The following KCNQ1 variants were observed in gnomAD, a reference collection of about 807,000 sequenced individuals.
The protein encoded by KCNQ1 is potassium voltage-gated channel subfamily Q member 1.
KCNQ1 carries 49 observed loss-of-function variants against 72.4 expected under a neutral mutation model. The observed-to-expected ratio is 0.68, with a 90% CI of 0.54 to 0.86. KCNQ1 has a LOEUF of 0.86. KCNQ1 is among the 40% of genes least tolerant of loss of function. The pLI, the probability that KCNQ1 is intolerant of heterozygous loss-of-function variation, is 0.00. For synonymous variants in KCNQ1, 450 were observed against 412.6 expected (o/e 1.09, Z -1.10); for missense variants, 790 against 945.1 (o/e 0.84, Z 2.15).
chr11:2,775,939 G>A, intron 12 of KCNQ1, 21 bp from the exon 13 acceptor site: 1 of 1,551,498 alleles, frequency 6.4e-7, no homozygotes, highest in Non-Finnish European at 8.7e-7. Flanking sequence ...GAGAAGTGAT[G>A]CGTGTCTTTT....
intron 1 of KCNQ1, among the ~76,000 whole-genome samples, chr11:2,504,643 G>A (rs568383455): frequency 3.3e-5 from 5 of 152,158 alleles, no homozygotes; most frequent in Non-Finnish European, 7.3e-5. Context: ...TGTAATCCCA[G>A]CTACTTGGGT....
rs1160720602 is a variant in KCNQ1 at position 2,837,992 on chromosome 11, A to G, written c.1795-9775A>G. ...CTGTCTGCAGGAAGGAGAGGGGGTC[A>G]TGGGCCCCAGAGGCCTCTGTCTTAG... On this transcript the variant is annotated intron_variant, in intron 15 of 15. Transcript: ENST00000155840. Among the ~76,000 whole-genome samples, 3 of 152,334 alleles carry G rather than the reference A, an allele frequency of 2.0e-5. No homozygotes were observed. In the East Asian group the frequency reaches 5.8e-4, roughly 29 times the overall value.
chr11:2,540,609 G>A (rs1847808809), intron 2 of KCNQ1, among the ~76,000 whole-genome samples: 2 of 152,252 alleles, frequency 1.3e-5, no homozygotes, highest in Non-Finnish European at 2.9e-5. Flanking sequence ...GGCCTCAGGA[G>A]GAGTGGATGT....
intron 10 of KCNQ1, chr11:2,646,818 A>G (rs1326062210): frequency 2.5e-6 from 1 of 398,448 alleles, no homozygotes; most frequent in African/African-American, 2.1e-5. Flanking sequence ...GTCCACACCT[A>G]CTAATTTTTG....
At chr11:2,616,544 G>A (rs147490385) in intron 10 of KCNQ1, 3 of 397,768 alleles carry the variant, frequency 7.5e-6, no homozygotes, top group African/African-American at 4.1e-5. Flanking sequence ...TTTCCTCTGA[G>A]CACTTCTTTC....
At position 2,492,215 on chromosome 11, in the gene KCNQ1, ATATAT is replaced by A. The variant is rs1199942079; in HGVS notation, c.387-35710_387-35706del. ...TGTAATTATGGTGTGTAAACTACTC[ATATAT>A]TAAGTAGAAGGATGAAAAGAAGAAC... On this transcript the variant is annotated intron_variant, in intron 1 of 15. Coordinates refer to ENST00000155840, the MANE Select transcript of KCNQ1 (RefSeq NM_000218.3). This position sits in a 1 kb window ranked among gnomAD's most constrained non-coding sequence, Gnocchi z 4.1. 1.3e-5 allele frequency among the ~76,000 whole-genome samples: 2 copies of A among 152,190 alleles called. No individual in the cohort carries two copies. The highest frequency in any genetic ancestry group is 4.8e-5 in the African/African-American group (2 of 41,420).
rs769138480 is a variant in KCNQ1, at chr11:2,661,299, C to CTG, written c.1394-662_1394-661insTG. ...AGCCAAGAGCAAATACTGATAGTGT[C>CTG]AACAGAGAGTGGGGAGTGATAAGGA... On this transcript the variant is annotated intron_variant, in intron 10 of 15. Transcript: ENST00000155840. This position sits in a 1 kb window ranked among gnomAD's most constrained non-coding sequence, Gnocchi z 5.9. The CTG allele has an allele frequency of 3.0e-5, 12 of 400,774 alleles. No homozygotes were observed. Among genetic ancestry groups the CTG allele is most frequent in the Non-Finnish European group, 4.4e-5 (10 of 227,506 alleles). The allele number at this position is 400,774 out of a possible 1,614,324, so 24.8% of individuals were successfully genotyped here. A position where few individuals can be genotyped will look rare whatever the true frequency, so the allele number is the denominator to read the frequency against.
intron 15 of KCNQ1, among the ~76,000 whole-genome samples, chr11:2,788,928 G>T (rs1846964663): frequency 6.6e-6 from 1 of 152,160 alleles, no homozygotes; most frequent in South Asian, 2.1e-4. Flanking sequence ...CTCCGGGGAG[G>T]CTTGCAGGAG....
intron 11 of KCNQ1, chr11:2,684,507 A>T: frequency 2.5e-6 from 1 of 398,624 alleles, no homozygotes; most frequent in Non-Finnish European, 4.4e-6. Flanking sequence ...TATTCCTCCT[A>T]TTCCACTGTT....
chr11:2,727,646 G>A (rs1845788656), intron 11 of KCNQ1, among the ~76,000 whole-genome samples: 1 of 152,168 alleles, frequency 6.6e-6, no homozygotes, highest in African/African-American at 2.4e-5. Flanking sequence ...CAGTTGGCTA[G>A]ACCCAATCTG....
At chr11:2,614,877 C>T (rs1849036656) in intron 10 of KCNQ1, 1 of 398,272 alleles carries the variant, frequency 2.5e-6, no homozygotes, top group East Asian at 3.6e-5. Context: ...GTTTGGGGCC[C>T]TGGGAAAATT....
In KCNQ1 at chr11:2,612,997, TGTTTGTTTTAA is replaced by T. The variant is rs1849006046; in HGVS notation, c.1393+24144_1393+24154del. The T allele has an allele frequency of 5.0e-6, 2 of 398,540 alleles. No homozygotes were observed. The highest frequency in any genetic ancestry group is 4.4e-5 in the Admixed American group (1 of 22,716). The allele number at this position is 398,540 out of a possible 1,614,324, so 24.7% of individuals were successfully genotyped here. ...AGCCACTGGTGTCTTTGCTCAGTTT[TGTTTGTTTTAA>T]TTCTTATGTTTGTTTTGTAAGCCTG... is the stretch of plus-strand genomic sequence containing the variant. On this transcript the variant is annotated intron_variant, in intron 10 of 15. Coordinates refer to ENST00000155840, the MANE Select transcript of KCNQ1 (RefSeq NM_000218.3). This position sits in a 1 kb window ranked among gnomAD's most constrained non-coding sequence, Gnocchi z 5.5.
chr11:2,742,698 C>T (rs1386629113), intron 11 of KCNQ1, among the ~76,000 whole-genome samples: 4 of 152,338 alleles, frequency 2.6e-5, no homozygotes, highest in East Asian at 1.9e-4. Context: ...ACAAGAGCCT[C>T]GGAGAGAAGG....
chr11:2,668,663 G>C lies in KCNQ1; in HGVS notation c.1514+6582G>C, dbSNP rs1230703623. ...GGTCCTATATATCTTTAGATATTCT[G>C]GAGTCATTTGTCAGAGAGAGAGATA... On this transcript the variant is annotated intron_variant, in intron 11 of 15. Transcript: ENST00000155840. This position sits in a 1 kb window ranked among gnomAD's most constrained non-coding sequence, Gnocchi z 4.3. 2.5e-6 allele frequency: 1 copy of C among 398,338 alleles called. No individual in the cohort carries two copies. The highest frequency in any genetic ancestry group is 4.4e-5 in the Admixed American group (1 of 22,698). 24.7% of individuals were successfully genotyped at this position (398,338 alleles called of 1,614,324 possible).
Position 2,753,217 on chromosome 11 carries a change from C to T in KCNQ1, c.1515-15627C>T, listed in dbSNP as rs377136366. ...GTAGGAAGCCATACAGTATCTGAGG[C>T]GGGGGAGTCACGAGATCTTCAGTCT... On this transcript the variant is annotated intron_variant, in intron 11 of 15. Coordinates refer to ENST00000155840, the MANE Select transcript of KCNQ1 (RefSeq NM_000218.3). Among the ~76,000 whole-genome samples the T allele has an allele frequency of 1.1e-4, 17 of 152,230 alleles. No individual in the cohort carries two copies. In the East Asian group the frequency reaches 1.7e-3, roughly 16 times the overall value.
At chr11:2,554,823 T>C (rs1848044375) in intron 2 of KCNQ1, among the ~76,000 whole-genome samples, 1 of 152,212 alleles carries the variant, frequency 6.6e-6, no homozygotes, top group South Asian at 2.1e-4. Context: ...ATATTAGCTC[T>C]TAAAACAGCA....
Position 2,588,905 on chromosome 11 carries a change from C to CT in KCNQ1, c.1393+57dup. The CT allele has an allele frequency of 6.2e-7, 1 of 1,600,258 alleles. No individual in the cohort carries two copies. The highest frequency in any genetic ancestry group is 1.1e-5 in the South Asian group (1 of 89,904). On this transcript the variant is annotated intron_variant, in intron 10 of 15. Coordinates refer to ENST00000155840, the MANE Select transcript of KCNQ1 (RefSeq NM_000218.3). The surrounding 1 kb of genome is among the most constrained non-coding windows in gnomAD (Gnocchi z 5.6). ...GCCGCGGGGCCGGGAAGGTCACTGC[C>CT]TTTTTTGGGAGCCCGAGCAAGCCAG...
intron 11 of KCNQ1, among the ~76,000 whole-genome samples, chr11:2,755,871 A>G (rs1846291723): frequency 6.6e-6 from 1 of 152,238 alleles, no homozygotes; most frequent in South Asian, 2.1e-4. Flanking sequence ...TAACGAATCA[A>G]TAAATATACA....
At chr11:2,786,955 T>G (rs1308866657) in intron 15 of KCNQ1, among the ~76,000 whole-genome samples, 3 of 151,350 alleles carry the variant, frequency 2.0e-5, no homozygotes, top group Admixed American at 1.3e-4. Flanking sequence ...TTCTGTTTTT[T>G]TTTTTTTTTT....
Sources: allele counts gnomAD v4.1 joint callset (sites outside exome capture counted in the v4.1 genomes callset), GRCh38; gene constraint gnomAD v4.1.1; non-coding constraint Gnocchi (gnomAD v3.1); transcripts MANE v1.5; gene names NCBI Gene and HGNC (gene_info 2026-07-23, HGNC 2026-07-21).